The following GRIK4 variants were observed in gnomAD, a reference collection of about 807,000 sequenced individuals.
The protein encoded by GRIK4 is glutamate receptor ionotropic, kainate 4.
Under a neutral mutation model 104.9 loss-of-function variants are expected in GRIK4, and 40 were observed. The observed-to-expected ratio is 0.38, with a 90% CI of 0.30 to 0.50. The LOEUF (loss-of-function observed/expected upper bound fraction) is 0.50, where lower values mean the gene tolerates loss of function less well. Ranked by LOEUF, GRIK4 falls within the 20% of genes least tolerant of loss-of-function variation. GRIK4 has a pLI of 0.93. For missense variants in GRIK4, 1,047 were observed against 1,308.1 expected (o/e 0.80, Z 3.08); for synonymous variants, 485 against 524.9 (o/e 0.92, Z 1.04).
intron 1 of GRIK4, among the ~76,000 whole-genome samples, chr11:120,536,854 C>T (rs574247298): frequency 3.3e-5 from 5 of 152,284 alleles, no homozygotes; most frequent in Middle Eastern, 6.8e-3. Context: ...GTAAACAGAG[C>T]GGGGGAGGCC....
At position 120,850,977 on chromosome 11, in the gene GRIK4, G is replaced by A. The variant is rs1177696837; in HGVS notation, c.745-10982G>A. On this transcript the variant is annotated intron_variant, in intron 8 of 20. Coordinates refer to ENST00000527524, the MANE Select transcript of GRIK4 (RefSeq NM_014619.5). ...ACAGCTCCGTAAATCACCATCTGGG[G>A]CTTCCCTCACATTCATAGCCCAGTG... 5.3e-5 allele frequency among the ~76,000 whole-genome samples: 8 copies of A among 152,130 alleles called. No homozygotes were observed. In the East Asian group the frequency reaches 1.6e-3, roughly 29 times the overall value.
intron 3 of GRIK4, among the ~76,000 whole-genome samples, chr11:120,702,324 G>C (rs1252335292): frequency 6.6e-6 from 1 of 152,144 alleles, no homozygotes; most frequent in East Asian, 1.9e-4. Flanking sequence ...AGGAGGTTGG[G>C]CTGGTTTAGG....
chr11:120,944,378 T>C (rs956198993), intron 14 of GRIK4, among the ~76,000 whole-genome samples: 1 of 152,136 alleles, frequency 6.6e-6, no homozygotes, highest in Non-Finnish European at 1.5e-5. Flanking sequence ...TCTGACACAT[T>C]TCTTCACATC....
At chr11:120,862,633 G>A (rs901537521) in intron 9 of GRIK4, among the ~76,000 whole-genome samples, 12 of 152,062 alleles carry the variant, frequency 7.9e-5, no homozygotes, top group East Asian at 7.7e-4. Context: ...CACTTCCTGC[G>A]TCACGGCTCA....
intron 1 of GRIK4, among the ~76,000 whole-genome samples, chr11:120,643,985 G>A (rs920270109): frequency 6.7e-6 from 1 of 149,358 alleles, no homozygotes; most frequent in African/African-American, 2.5e-5. Flanking sequence ...TTTATATATA[G>A]ATGACAAGTT....
chr11:120,958,428 C>T (rs535983289), intron 16 of GRIK4, among the ~76,000 whole-genome samples: 37 of 152,356 alleles, frequency 2.4e-4, no homozygotes, highest in Non-Finnish European at 4.4e-4. Flanking sequence ...GTGGTCACTG[C>T]GCTTCTCTCC....
At chr11:120,976,712 A>T (rs146387653) in intron 19 of GRIK4, among the ~76,000 whole-genome samples, 166 of 152,342 alleles carry the variant, frequency 1.1e-3, no homozygotes, top group Middle Eastern at 3.4e-3. Context: ...AAGAGCAAAT[A>T]CATTGTCTCT....
At chr11:120,876,059 G>A (rs1425881080) in intron 11 of GRIK4, among the ~76,000 whole-genome samples, 2 of 151,822 alleles carry the variant, frequency 1.3e-5, no homozygotes, top group Non-Finnish European at 2.9e-5. Context: ...GAACAAGGGA[G>A]CACACCACTG....
intron 13 of GRIK4, among the ~76,000 whole-genome samples, chr11:120,918,465 T>C (rs1419975994): frequency 1.3e-5 from 2 of 152,228 alleles, no homozygotes; most frequent in Non-Finnish European, 2.9e-5. Flanking sequence ...ACATCCTGTA[T>C]ACATAGGACC....
intron 1 of GRIK4, among the ~76,000 whole-genome samples, chr11:120,559,796 A>G (rs1268272266): frequency 6.6e-6 from 1 of 152,078 alleles, no homozygotes; most frequent in African/African-American, 2.4e-5. Context: ...GTTGCCTCTT[A>G]CTTTTGCCAG....
At chr11:120,776,041 C>T (rs527625737) in intron 3 of GRIK4, among the ~76,000 whole-genome samples, 2 of 152,326 alleles carry the variant, frequency 1.3e-5, no homozygotes, top group East Asian at 1.9e-4. Flanking sequence ...TGGGTACCTA[C>T]GACCTTCTTA....
intron 3 of GRIK4, among the ~76,000 whole-genome samples, chr11:120,736,367 C>T (rs574997135): frequency 1.3e-4 from 20 of 152,190 alleles, no homozygotes; most frequent in Admixed American, 1.0e-3. Context: ...GAAGGAGTCA[C>T]TTTTGTTGCT....
At chr11:120,898,065 A>G (rs762296522) in intron 11 of GRIK4, among the ~76,000 whole-genome samples, 2 of 152,174 alleles carry the variant, frequency 1.3e-5, no homozygotes, top group Non-Finnish European at 2.9e-5. Context: ...TCATTCATTC[A>G]TTCATTCTTT....
At chr11:120,960,436 C>T (rs1944263497) in intron 16 of GRIK4, among the ~76,000 whole-genome samples, 1 of 152,238 alleles carries the variant, frequency 6.6e-6, no homozygotes, top group South Asian at 2.1e-4. Context: ...CTTCCGTGAG[C>T]TCTAGGGATT....
rs948420336 is a variant in GRIK4, at chr11:120,925,146, C to T, written c.1477-15201C>T. The stretch of plus-strand genomic sequence containing the variant: ...GAACAGAGAAGGAGCACAGGGAAGG[C>T]CTCTAGAAGTTCTCTATGGCTGTGG... On this transcript the variant is annotated intron_variant, in intron 13 of 20. Transcript: ENST00000527524. 5.9e-5 allele frequency among the ~76,000 whole-genome samples: 9 copies of T among 152,100 alleles called. 1 individual carries two copies. In the South Asian group the frequency reaches 1.0e-3, roughly 18 times the overall value.
At chr11:120,628,034 GA>G (rs1468261958) in intron 1 of GRIK4, among the ~76,000 whole-genome samples, 2 of 152,202 alleles carry the variant, frequency 1.3e-5, no homozygotes, top group Admixed American at 1.3e-4. Context: ...GAAGCTCTTT[GA>G]AAGGCACAAA....
intron 2 of GRIK4, among the ~76,000 whole-genome samples, chr11:120,655,970 T>C (rs1390760721): frequency 6.6e-6 from 1 of 152,042 alleles, no homozygotes; most frequent in Non-Finnish European, 1.5e-5. Context: ...GAGCTGTAGA[T>C]GTCAATGCCA....
intron 3 of GRIK4, among the ~76,000 whole-genome samples, chr11:120,774,745 G>A (rs536582229): frequency 6.6e-6 from 1 of 152,346 alleles, no homozygotes; most frequent in South Asian, 2.1e-4. Flanking sequence ...GATCTGTGGA[G>A]GGGAAAGATA....
intron 14 of GRIK4, among the ~76,000 whole-genome samples, chr11:120,951,822 G>A (rs1273534233): frequency 1.3e-5 from 2 of 152,184 alleles, no homozygotes; most frequent in Non-Finnish European, 2.9e-5. Flanking sequence ...TTTTTAAAAA[G>A]CCAGAAATCT....
Sources: allele counts gnomAD v4.1 joint callset (sites outside exome capture counted in the v4.1 genomes callset), GRCh38; gene constraint gnomAD v4.1.1; transcripts MANE v1.5; gene names NCBI Gene and HGNC (gene_info 2026-07-23, HGNC 2026-07-21).